CLIC4: variants seen among roughly 807,000 people sequenced by gnomAD.
CLIC4 encodes CLIC family member 4.
In CLIC4, 13 loss-of-function variants were observed where a neutral mutation model predicts 24.6. That is an observed-to-expected ratio of 0.53 (90% CI 0.34 to 0.84). The LOEUF is 0.84. Ranked by LOEUF, CLIC4 falls within the 40% of genes least tolerant of loss-of-function variation. CLIC4 has a pLI of 0.01. For synonymous variants in CLIC4, 104 were observed against 111.3 expected, an observed-to-expected ratio of 0.93 and a Z score of 0.41; for missense variants, 227 against 301.7, an observed-to-expected ratio of 0.75 and a Z score of 1.83.
At chr1:24,818,758 G>A (rs575507345) in intron 3 of CLIC4, among the ~76,000 whole-genome samples, 2 of 151,590 alleles carry the variant, frequency 1.3e-5, no homozygotes, top group African/African-American at 4.8e-5. Flanking sequence ...ACGGGGAAGT[G>A]AATGGAATCA....
chr1:24,828,154 C>CTAT (rs1281552417), intron 4 of CLIC4, among the ~76,000 whole-genome samples: 1 of 152,098 alleles, frequency 6.6e-6, no homozygotes, highest in Non-Finnish European at 1.5e-5. Context: ...TATTTCAGTA[C>CTAT]TATTATTATA....
At chr1:24,767,024 T>TAAAAAA (rs34142565) in intron 1 of CLIC4, among the ~76,000 whole-genome samples, 176 of 70,406 alleles carry the variant, frequency 2.5e-3, no homozygotes, top group Middle Eastern at 0.019. Context: ...GCTGATGAGC[T>TAAAAAA]AAAAAAAAAA....
intron 4 of CLIC4, among the ~76,000 whole-genome samples, chr1:24,831,723 C>T (rs1245154694): frequency 2.0e-5 from 3 of 152,194 alleles, no homozygotes; most frequent in Non-Finnish European, 4.4e-5. Flanking sequence ...ACTGCAACCT[C>T]CACCTCCCGG....
At chr1:24,826,538 G>A (rs905734491) in intron 3 of CLIC4, among the ~76,000 whole-genome samples, 1 of 152,224 alleles carries the variant, frequency 6.6e-6, no homozygotes, top group African/African-American at 2.4e-5. Context: ...TAGTGCAACT[G>A]AGGAAGTGAA....
At chr1:24,774,188 C>G (rs1412295526) in intron 1 of CLIC4, among the ~76,000 whole-genome samples, 1 of 152,042 alleles carries the variant, frequency 6.6e-6, no homozygotes, top group Non-Finnish European at 1.5e-5. Flanking sequence ...GTTGCCCAGG[C>G]TGGTCTTAAA....
intron 3 of CLIC4, among the ~76,000 whole-genome samples, chr1:24,824,209 GAAAC>G (rs557959492): frequency 2.6e-4 from 40 of 152,160 alleles, no homozygotes; most frequent in Non-Finnish European, 4.6e-4. Flanking sequence ...ATCTGTAATA[GAAAC>G]AAACAAACAA....
chr1:24,837,995 A>G (rs1009603189), intron 4 of CLIC4, among the ~76,000 whole-genome samples: 4 of 152,106 alleles, frequency 2.6e-5, no homozygotes, highest in African/African-American at 9.7e-5. Flanking sequence ...AGTGCGTGAC[A>G]CTTGAAACCA....
intron 1 of CLIC4, among the ~76,000 whole-genome samples, chr1:24,794,959 G>C (rs770406936): frequency 6.6e-6 from 1 of 152,118 alleles, no homozygotes; most frequent in Non-Finnish European, 1.5e-5. Flanking sequence ...AGTCTTTGAC[G>C]TTGCTTGTTT....
intron 2 of CLIC4, among the ~76,000 whole-genome samples, chr1:24,800,324 G>A (rs1352666686): frequency 5.7e-5 from 5 of 87,938 alleles, no homozygotes; most frequent in African/African-American, 1.4e-4. Flanking sequence ...CCGGCCAGCC[G>A]CCCCGTCCGG....
intron 3 of CLIC4, 93 bp from the exon 4 acceptor site, chr1:24,826,917 A>G (rs1184054274): frequency 1.3e-6 from 1 of 769,328 alleles, no homozygotes; most frequent in East Asian, 2.6e-5. Flanking sequence ...AACTATTAAA[A>G]GACGTCTAGT....
chr1:24,777,976 G>A (rs1350088862), intron 1 of CLIC4: 2 of 152,166 alleles, frequency 1.3e-5, no homozygotes, highest in Non-Finnish European at 2.9e-5. Context: ...GTCAAAGTAA[G>A]TACTCTTTTT....
intron 4 of CLIC4, among the ~76,000 whole-genome samples, chr1:24,835,589 A>G (rs1032398438): frequency 6.6e-6 from 1 of 152,198 alleles, no homozygotes; most frequent in African/African-American, 2.4e-5. Context: ...AATAAATTTT[A>G]AAAATGTAGA....
chr1:24,788,986 C>T (rs955886652), intron 1 of CLIC4, among the ~76,000 whole-genome samples: 11 of 152,232 alleles, frequency 7.2e-5, no homozygotes, highest in Non-Finnish European at 1.2e-4. Context: ...ATTGGGTGGC[C>T]TAGACTTCCA....
chr1:24,771,829 C>G (rs745601050), intron 1 of CLIC4: 1 of 513,264 alleles, frequency 1.9e-6, no homozygotes, highest in Non-Finnish European at 3.9e-6. Context: ...TATTATGTAA[C>G]TGGAAGGCCA....
chr1:24,799,567 G>A (rs1338713251), intron 2 of CLIC4, among the ~76,000 whole-genome samples: 3 of 149,436 alleles, frequency 2.0e-5, no homozygotes, highest in East Asian at 2.0e-4. Context: ...GAGCGTCTCC[G>A]CCCGGCCAGC....
At chr1:24,796,963 T>TA (rs904410694) in intron 1 of CLIC4, among the ~76,000 whole-genome samples, 9 of 150,568 alleles carry the variant, frequency 6.0e-5, no homozygotes, top group East Asian at 1.9e-4. Context: ...TTTATTTATT[T>TA]TTTTTTTTTG....
intron 3 of CLIC4, among the ~76,000 whole-genome samples, chr1:24,822,245 A>G (rs1639741936): frequency 6.6e-6 from 1 of 152,118 alleles, no homozygotes; most frequent in South Asian, 2.1e-4. Flanking sequence ...AAGCTAGCTC[A>G]AGTTTAGAGG....
At chr1:24,797,333 G>A (rs1639415942) in intron 1 of CLIC4, among the ~76,000 whole-genome samples, 1 of 151,792 alleles carries the variant, frequency 6.6e-6, no homozygotes, top group South Asian at 2.1e-4. Context: ...CAGCACTTTA[G>A]GAGGCTGAGG....
At chr1:24,752,474 G>A (rs1638788772) in intron 1 of CLIC4, among the ~76,000 whole-genome samples, 1 of 152,082 alleles carries the variant, frequency 6.6e-6, no homozygotes, top group African/African-American at 2.4e-5. Context: ...TGTCAAAGTT[G>A]GTGGGTGACA....
Sources: gnomAD v4.1 joint callset for allele counts (sites outside exome capture counted in the v4.1 genomes callset) on GRCh38, gnomAD v4.1.1 for gene constraint, MANE v1.5 for transcripts, NCBI Gene and HGNC (gene_info 2026-07-23, HGNC 2026-07-21) for gene names.